SPAG16: variants seen among roughly 807,000 people sequenced by gnomAD.
SPAG16 encodes sperm associated antigen 16.
A neutral mutation model predicts 80.4 loss-of-function variants in SPAG16; 86 were observed. That is an observed-to-expected ratio of 1.07 (90% CI 0.90 to 1.28). The LOEUF (loss-of-function observed/expected upper bound fraction) is 1.28, where lower values mean the gene tolerates loss of function less well. Ranked by LOEUF, SPAG16 falls within the 50% of genes most tolerant of loss-of-function variation. The probability of loss-of-function intolerance (pLI) is 0.00; values close to 1 mark genes in which losing one functional copy is unlikely to be tolerated. For synonymous variants in SPAG16, 294 were observed against 265.9 expected, an observed-to-expected ratio of 1.11 and a Z score of -1.03; for missense variants, 870 against 765.3, an observed-to-expected ratio of 1.14 and a Z score of -1.61.
At chr2:214,142,135 CA>C (rs1349096531) in intron 14 of SPAG16, among the ~76,000 whole-genome samples, 6 of 152,160 alleles carry the variant, frequency 3.9e-5, no homozygotes, top group African/African-American at 1.2e-4. Flanking sequence ...TATTCCAATC[CA>C]CTCACTTTCT....
chr2:214,026,245 A>G (rs2048124262), intron 13 of SPAG16, among the ~76,000 whole-genome samples: 1 of 144,696 alleles, frequency 6.9e-6, no homozygotes, highest in South Asian at 2.1e-4. Context: ...TACACATATT[A>G]TATTATATAT....
rs117152163 is a variant in SPAG16 at position 213,324,597 on chromosome 2, T to C, written c.536+7241T>C. On this transcript the variant is annotated intron_variant, in intron 5 of 15. Coordinates refer to ENST00000331683, the MANE Select transcript of SPAG16 (RefSeq NM_024532.5). ...CCTGTATCAGTAATTTGTTCCTCTTTATTGCTAAGTAGTATTCTGTTGTAT... is the reference window on the plus strand; with the variant it reads ...CCTGTATCAGTAATTTGTTCCTCTTCATTGCTAAGTAGTATTCTGTTGTAT... 1.8e-3 allele frequency among the ~76,000 whole-genome samples: 271 copies of C among 152,298 alleles called. 1 individual carries two copies. In the East Asian group the frequency reaches 0.025, roughly 14 times the overall value.
intron 15 of SPAG16, among the ~76,000 whole-genome samples, chr2:214,249,725 CTAG>C (rs1238048214): frequency 4.2e-5 from 6 of 142,924 alleles, no homozygotes; most frequent in African/African-American, 1.5e-4. Context: ...AACAGTATTT[CTAG>C]TAGTAGTAAA....
intron 12 of SPAG16, among the ~76,000 whole-genome samples, chr2:213,977,422 G>A (rs1018162478): frequency 1.3e-5 from 2 of 150,710 alleles, no homozygotes; most frequent in African/African-American, 5.0e-5. Context: ...TCTAGAGATA[G>A]AGGCAGGTTA....
intron 9 of SPAG16, among the ~76,000 whole-genome samples, chr2:213,399,194 A>G (rs1289832227): frequency 6.6e-6 from 1 of 152,068 alleles, no homozygotes; most frequent in East Asian, 1.9e-4. Context: ...TGGTTATACT[A>G]TTTGTGATTT....
In SPAG16 at chr2:213,448,085, C is replaced by A. The variant is rs193217573; in HGVS notation, c.943-41878C>A. On this transcript the variant is annotated intron_variant, in intron 9 of 15. Transcript: ENST00000331683. ...TAATGATTGCCAGGCCAATTCCACC[C>A]AAATGTGGAATTCTCAACAGGGAAT... Among the ~76,000 whole-genome samples, 18 of 152,272 alleles carry A rather than the reference C, an allele frequency of 1.2e-4. No individual in the cohort carries two copies. In the East Asian group the frequency reaches 3.5e-3, roughly 29 times the overall value.
intron 10 of SPAG16, among the ~76,000 whole-genome samples, chr2:213,692,408 A>G (rs2064978934): frequency 1.3e-5 from 2 of 152,176 alleles, no homozygotes; most frequent in Non-Finnish European, 2.9e-5. Context: ...AAATACATAA[A>G]ATATATTAAG....
At chr2:214,063,848 G>GTT (rs2050401229) in intron 13 of SPAG16, among the ~76,000 whole-genome samples, 1 of 152,002 alleles carries the variant, frequency 6.6e-6, no homozygotes, top group Non-Finnish European at 1.5e-5. Context: ...TATTTATAAT[G>GTT]TTTATTATCT....
chr2:213,429,924 T>C (rs2070186156), intron 9 of SPAG16, among the ~76,000 whole-genome samples: 1 of 152,036 alleles, frequency 6.6e-6, no homozygotes, highest in Admixed American at 6.6e-5. Context: ...CATAGGAATA[T>C]GAAAAAGTAA....
intron 13 of SPAG16, among the ~76,000 whole-genome samples, chr2:214,064,713 G>C (rs367994699): frequency 1.3e-5 from 2 of 151,828 alleles, no homozygotes; most frequent in South Asian, 4.2e-4. Context: ...AGTTTTAATG[G>C]GCCACATGGC....
chr2:213,292,851 A>G lies in SPAG16; in HGVS notation c.137-3213A>G, dbSNP rs532118853. 3.3e-3 allele frequency among the ~76,000 whole-genome samples: 508 copies of G among 152,250 alleles called. 4 individuals carry two copies. Among genetic ancestry groups the G allele is most frequent in the Non-Finnish European group, 4.7e-3 (322 of 68,006 alleles). On this transcript the variant is annotated intron_variant, in intron 1 of 15. Coordinates refer to ENST00000331683, the MANE Select transcript of SPAG16 (RefSeq NM_024532.5). ...TCTTTCCAGAGTGAGAAAAGAAATG[A>G]CAACAAACACTTGTATATCATTTAC...
At chr2:214,323,362 G>A (rs552583874) in intron 15 of SPAG16, among the ~76,000 whole-genome samples, 1 of 151,036 alleles carries the variant, frequency 6.6e-6, no homozygotes, top group East Asian at 1.9e-4. Context: ...TTATTTAAAG[G>A]GATTATGCTT....
chr2:213,492,688 T>G (rs1336529780), intron 10 of SPAG16, among the ~76,000 whole-genome samples: 2 of 151,214 alleles, frequency 1.3e-5, no homozygotes, highest in African/African-American at 2.4e-5. Flanking sequence ...GAAAGTTGTT[T>G]TTTTTTTTTT....
intron 15 of SPAG16, among the ~76,000 whole-genome samples, chr2:214,221,596 G>T (rs113788134): frequency 2.6e-5 from 4 of 152,190 alleles, no homozygotes; most frequent in African/African-American, 9.6e-5. Flanking sequence ...AACTGCTAAA[G>T]AGTAAATATT....
intron 15 of SPAG16, among the ~76,000 whole-genome samples, chr2:214,356,034 A>AG (rs1341975167): frequency 1.3e-5 from 1 of 76,440 alleles, no homozygotes; most frequent in Non-Finnish European, 2.4e-5. Context: ...GGGTGGGGGG[A>AG]GGGGGGAGGG....
At chr2:213,929,442 C>G (rs761725196) in intron 11 of SPAG16, among the ~76,000 whole-genome samples, 10 of 152,186 alleles carry the variant, frequency 6.6e-5, no homozygotes, top group Non-Finnish European at 1.2e-4. Flanking sequence ...TTAAACATCT[C>G]TTTGATCTCT....
At chr2:214,330,720 C>T (rs1216739007) in intron 15 of SPAG16, among the ~76,000 whole-genome samples, 1 of 152,206 alleles carries the variant, frequency 6.6e-6, no homozygotes, top group African/African-American at 2.4e-5. Flanking sequence ...AGCAAGGTAA[C>T]TTCTTTCAGC....
intron 12 of SPAG16, among the ~76,000 whole-genome samples, chr2:213,982,610 G>GGTGTGTGT (rs57529616): frequency 0.076 from 10,806 of 141,756 alleles, 464 homozygotes; most frequent in Middle Eastern, 0.12. Flanking sequence ...TATAGTTTCT[G>GGTGTGTGT]GTGTGTGTGT....
intron 13 of SPAG16, among the ~76,000 whole-genome samples, chr2:214,056,524 T>G (rs1042130879): frequency 2.3e-5 from 2 of 88,880 alleles, no homozygotes; most frequent in Non-Finnish European, 5.1e-5. Context: ...AAAATACTTA[T>G]TGGTAAAAAA....
Sources: gnomAD v4.1 joint callset for allele counts (sites outside exome capture counted in the v4.1 genomes callset) on GRCh38, gnomAD v4.1.1 for gene constraint, MANE v1.5 for transcripts, NCBI Gene and HGNC (gene_info 2026-07-23, HGNC 2026-07-21) for gene names.